ARSF: variants seen among roughly 807,000 people sequenced by gnomAD.
The protein encoded by ARSF is arylsulfatase F.
ARSF carries 33 observed loss-of-function variants against 35.4 expected under a neutral mutation model. The ratio of observed to expected loss-of-function variants is 0.93; its 90% CI spans 0.71 to 1.25. The LOEUF (loss-of-function observed/expected upper bound fraction) is 1.25, where lower values mean the gene tolerates loss of function less well. ARSF is among the 50% of genes most tolerant of loss of function. The pLI is 0.00. For missense variants in ARSF, 501 were observed against 480.2 expected (o/e 1.04, Z -0.40); for synonymous variants, 222 against 193.1 (o/e 1.15, Z -1.24).
At chrX:3,075,981 CTG>C (rs1443707479) in intron 3 of ARSF, among the ~76,000 whole-genome samples, 3 of 47,051 alleles carry the variant, frequency 6.4e-5, no homozygotes, top group Non-Finnish European at 8.0e-5. Flanking sequence ...CTCCCTCCAT[CTG>C]TCTCTTTTTC....
intron 1 of ARSF, among the ~76,000 whole-genome samples, chrX:3,043,087 A>G (rs778985539): frequency 9.0e-5 from 10 of 111,110 alleles, no homozygotes; most frequent in Non-Finnish European, 1.7e-4. Context: ...CCCGGGAGGC[A>G]GAGGTTGCAG....
intron 9 of ARSF, among the ~76,000 whole-genome samples, chrX:3,108,860 T>C (rs186408954): frequency 9.1e-6 from 1 of 109,889 alleles, no homozygotes; most frequent in East Asian, 2.9e-4. Flanking sequence ...CTACTGAAAA[T>C]ACAAAATTAG....
intron 1 of ARSF, among the ~76,000 whole-genome samples, chrX:3,055,464 C>G (rs780792748): frequency 4.5e-5 from 5 of 110,095 alleles, no homozygotes; most frequent in Non-Finnish European, 9.5e-5. Context: ...CCTTATCCCT[C>G]TTGTTCAAGT....
At chrX:3,104,624 T>C (rs2090401100) in intron 9 of ARSF, among the ~76,000 whole-genome samples, 2 of 112,057 alleles carry the variant, frequency 1.8e-5, no homozygotes, top group Non-Finnish European at 3.8e-5. Flanking sequence ...GCTCTATTTT[T>C]GGTTTTCTGA....
intron 4 of ARSF, among the ~76,000 whole-genome samples, chrX:3,079,680 T>C (rs375029383): frequency 2.8e-5 from 3 of 108,729 alleles, no homozygotes; most frequent in East Asian, 3.0e-4. Flanking sequence ...GAAGTGGGCT[T>C]GGGGCATGGT....
At chrX:3,098,047 AACACACACACACACACAC>A (rs3032523) in intron 7 of ARSF, among the ~76,000 whole-genome samples, 1 of 88,070 alleles carries the variant, frequency 1.1e-5, no homozygotes, top group Non-Finnish European at 2.2e-5. Flanking sequence ...ATACACACAC[AACACACACACACACACAC>A]ACACACACAC....
chrX:3,099,656 T>G (rs1397759541), intron 7 of ARSF, among the ~76,000 whole-genome samples: 1 of 111,611 alleles, frequency 9.0e-6, no homozygotes, highest in Non-Finnish European at 1.9e-5. Context: ...TTCTCCACTG[T>G]AAAGTTACTT....
chrX:3,056,574 C>T (rs150690831), intron 1 of ARSF, among the ~76,000 whole-genome samples: 1,362 of 111,167 alleles, frequency 0.012, 23 homozygotes, highest in African/African-American at 0.042. Context: ...CACTCCTGGA[C>T]GAAGCATCAT....
intron 2 of ARSF, among the ~76,000 whole-genome samples, chrX:3,070,105 T>C (rs1261509638): frequency 8.9e-6 from 1 of 111,752 alleles, no homozygotes; most frequent in Non-Finnish European, 1.9e-5. Flanking sequence ...TTCTATGAGA[T>C]CAACTTTTTG....
In ARSF at chrX:3,072,107, T is replaced by C; in HGVS notation, c.93T>C (p.Asn31=). The change falls in exon 3 of 11, where the codon AAT becomes AAC. Residue 31 remains asparagine, a synonymous_variant. Transcript: ENST00000381127. The part of the protein sequence containing the change: ...QAHRVHDDKP[N]IVLIMVDDLG... ...ACAGGGTGCATGACGACAAGCCTAA[T>C]ATTGTCCTAATCATGGTTGATGACC... 1 of 1,202,551 alleles carries C rather than the reference T, an allele frequency of 8.3e-7. No homozygotes were observed. Among genetic ancestry groups the C allele is most frequent in the African/African-American group, 1.8e-5 (1 of 54,301 alleles).
Position 3,110,196 on chromosome X carries a change from T to C in ARSF, c.1334T>C (p.Leu445Pro). Residue 445 changes from leucine (L) to proline (P), a missense_variant, in exon 10 of 11, where the codon CTT becomes CCT. By Grantham distance (98) the Leu-to-Pro change is moderately conservative. Transcript: ENST00000381127. ...GNVRHSEHEFLFHYCGSYLHA... is the reference protein window; with the variant it reads ...GNVRHSEHEFPFHYCGSYLHA... Reference sequence around the variant, plus strand: ...GTCAGGCACTCGGAGCATGAATTTCTTTTCCACTACTGTGGCTCCTACCTG... The same window carrying C: ...GTCAGGCACTCGGAGCATGAATTTCCTTTCCACTACTGTGGCTCCTACCTG... 8.3e-7 allele frequency: 1 copy of C among 1,205,538 alleles called. No individual in the cohort carries two copies. The highest frequency in any genetic ancestry group is 1.1e-6 in the Non-Finnish European group (1 of 891,928).
At chrX:3,046,243 T>C (rs1381283802) in intron 1 of ARSF, among the ~76,000 whole-genome samples, 8 of 111,770 alleles carry the variant, frequency 7.2e-5, no homozygotes, top group Non-Finnish European at 1.5e-4. Flanking sequence ...GCCTCCATGT[T>C]GAACATACCT....
chrX:3,106,792 G>A (rs1328475173), intron 9 of ARSF, among the ~76,000 whole-genome samples: 1 of 111,873 alleles, frequency 8.9e-6, no homozygotes, highest in African/African-American at 3.2e-5. Context: ...CACCATTAAT[G>A]TGTAGAAACA....
At chrX:3,052,563 T>C (rs754835316) in intron 1 of ARSF, among the ~76,000 whole-genome samples, 39 of 110,447 alleles carry the variant, frequency 3.5e-4, no homozygotes, top group African/African-American at 1.2e-3. Flanking sequence ...GCACGGTCAG[T>C]CACATCTGTA....
chrX:3,079,311 C>T (rs2090177430), intron 4 of ARSF, among the ~76,000 whole-genome samples: 1 of 108,053 alleles, frequency 9.3e-6, no homozygotes, highest in Non-Finnish European at 1.9e-5. Context: ...TGACATTCCC[C>T]AGGAGTGAAA....
At chrX:3,097,366 A>G (rs1027916025) in intron 7 of ARSF, among the ~76,000 whole-genome samples, 2 of 112,399 alleles carry the variant, frequency 1.8e-5, no homozygotes, top group Non-Finnish European at 3.8e-5. Context: ...TAAAGGCCCT[A>G]TGCAAACTGA....
rs180712037 is a variant in ARSF, at chrX:3,105,836, C to A, written c.1265+1912C>A. On this transcript the variant is annotated intron_variant, in intron 9 of 10. Coordinates refer to ENST00000381127, the MANE Select transcript of ARSF (RefSeq NM_001201539.2). ...ACCTATCAAAAAACTATGGAGAAGC[C>A]CAGCTTTCCTGTTCTACCATTTAGA... 1.5e-4 allele frequency among the ~76,000 whole-genome samples: 17 copies of A among 111,986 alleles called. No homozygotes were observed. In the Admixed American group the frequency reaches 1.6e-3, roughly 11 times the overall value.
intron 1 of ARSF, among the ~76,000 whole-genome samples, chrX:3,060,524 A>G (rs1262739423): frequency 8.9e-6 from 1 of 111,897 alleles, no homozygotes; most frequent in Non-Finnish European, 1.9e-5. Flanking sequence ...TCCGAGCTAA[A>G]GGAAATGTTC....
At chrX:3,065,256 TG>T (rs2090058951) in intron 1 of ARSF, among the ~76,000 whole-genome samples, 1 of 34,370 alleles carries the variant, frequency 2.9e-5, no homozygotes, top group Non-Finnish European at 5.3e-5. Context: ...GGACACAGGG[TG>T]GGGGACATCA....
Sources: gnomAD v4.1 joint callset for allele counts (sites outside exome capture counted in the v4.1 genomes callset) on GRCh38, gnomAD v4.1.1 for gene constraint, MANE v1.5 for transcripts, NCBI Gene and HGNC (gene_info 2026-07-23, HGNC 2026-07-21) for gene names.